OPTC: variants seen among roughly 807,000 people sequenced by gnomAD.
OPTC encodes the protein oculoglycan.
In OPTC, 22 loss-of-function variants were observed where a neutral mutation model predicts 25.4. That is an observed-to-expected ratio of 0.87 (90% CI 0.62 to 1.24). OPTC has a LOEUF of 1.24. OPTC is among the 50% of genes most tolerant of loss of function. The pLI is 0.00. For synonymous variants in OPTC, 169 were observed against 179.3 expected (o/e 0.94, Z 0.46); for missense variants, 417 against 425.2 (o/e 0.98, Z 0.17).
chr1:203,495,526 A>G (rs1231359113), intron 1 of OPTC, among the ~76,000 whole-genome samples: 2 of 152,188 alleles, frequency 1.3e-5, no homozygotes, highest in African/African-American at 4.8e-5. Flanking sequence ...CAAAAAAACA[A>G]ACAAACAAAA....
intron 7 of OPTC, among the ~76,000 whole-genome samples, chr1:203,507,617 GCCCTAA>G (rs1457606092): frequency 6.6e-6 from 1 of 152,204 alleles, no homozygotes; most frequent in Non-Finnish European, 1.5e-5. Context: ...GGAGGGTCTT[GCCCTAA>G]CCTGTCCTAT....
chr1:203,498,633 C>A, intron 3 of OPTC, 48 bp from the exon 4 acceptor site: 1 of 1,612,890 alleles, frequency 6.2e-7, no homozygotes, highest in Non-Finnish European at 8.5e-7. Context: ...GCCATTGGCC[C>A]CAGAGGCTAA....
At chr1:203,496,906 T>C (rs1366682791) in intron 2 of OPTC, 71 bp from the exon 3 acceptor site, 3 of 1,529,556 alleles carry the variant, frequency 2.0e-6, no homozygotes, top group Non-Finnish European at 2.7e-6. Context: ...TCACTGAGGT[T>C]CCCAGAGTCC....
Position 203,505,473 on chromosome 1 carries a change from G to A in OPTC, c.*25+1728G>A, listed in dbSNP as rs1661465547. 3.3e-5 allele frequency among the ~76,000 whole-genome samples: 5 copies of A among 152,338 alleles called. No individual in the cohort carries two copies. The South Asian group carries it at 1.0e-3, about 32-fold the overall frequency. On this transcript the variant is annotated intron_variant, in intron 7 of 7. Transcript: ENST00000367222. ...CCCTGGTGGTCCCCGAGTCTGGAGG[G>A]ACAGGTGTTTCTTGTGGGCCACGTG...
chr1:203,499,789 G>A lies in OPTC; in HGVS notation c.670G>A (p.Glu224Lys). ...EALPVLPSGI[E>K]FLDVRLNRLQ... ...TCTGCCCGTGCTGCCCAGTGGCATT[G>A]AGTTCCTGGATGTCCGCCTAAATCG... The change falls in exon 5 of 8, where the codon GAG (glutamate) becomes AAG (lysine). Residue 224 changes from glutamate (E) to lysine (K), a missense_variant. Transcript: ENST00000367222. The A allele has an allele frequency of 6.2e-7, 1 of 1,612,732 alleles. No homozygotes were observed. Among genetic ancestry groups the A allele is most frequent in the African/African-American group, 1.3e-5 (1 of 74,898 alleles).
rs2242198 is a variant in OPTC at position 203,496,442 on chromosome 1, C to G, written c.231+206C>G. ...ACCTGGGACTTCTCCTTCTTCAAAA[C>G]TCATACTTGCCTCCCCCTGCCAAAG... On this transcript the variant is annotated intron_variant, in intron 2 of 7. Transcript: ENST00000367222. 0.56 allele frequency among the ~76,000 whole-genome samples: 84,619 copies of G among 152,004 alleles called. 24,145 individuals are homozygous for G. Among genetic ancestry groups the G allele is most frequent in the East Asian group, 0.77 (3,955 of 5,152 alleles).
chr1:203,508,096 A>G lies in OPTC; in HGVS notation c.*26-550A>G, dbSNP rs190964041. The stretch of plus-strand genomic sequence containing the variant: ...AAGTACTTTGTCCCAGAGAAAGATG[A>G]CTTAACATAAACAATCTATAACAGA... On this transcript the variant is annotated intron_variant, in intron 7 of 7. Coordinates refer to ENST00000367222, the MANE Select transcript of OPTC (RefSeq NM_014359.4). 1.6e-4 allele frequency among the ~76,000 whole-genome samples: 25 copies of G among 152,362 alleles called. No homozygotes were observed. The East Asian group carries it at 3.7e-3, about 22-fold the overall frequency.
intron 1 of OPTC, 33 bp from the exon 2 acceptor site, chr1:203,495,931 CA>C: frequency 2.0e-6 from 2 of 976,904 alleles, no homozygotes; most frequent in Non-Finnish European, 3.2e-6. Context: ...GCCTGTCCCT[CA>C]GATCGCTGCC....
rs891422148 is a variant in OPTC, at chr1:203,507,051, A to G, written c.*26-1595A>G. 6.6e-5 allele frequency among the ~76,000 whole-genome samples: 10 copies of G among 152,358 alleles called. No individual in the cohort carries two copies. The South Asian group carries it at 2.1e-3, about 32-fold the overall frequency. On this transcript the variant is annotated intron_variant, in intron 7 of 7. Coordinates refer to ENST00000367222, the MANE Select transcript of OPTC (RefSeq NM_014359.4). Reference sequence around the variant, plus strand: ...CCTTGTTGTCTGTCTCCCTGAAGAAATTCTAAACAGAGCATCTGTCCCTCT... The same window carrying G: ...CCTTGTTGTCTGTCTCCCTGAAGAAGTTCTAAACAGAGCATCTGTCCCTCT...
chr1:203,508,441 C>T (rs1648428698), intron 7 of OPTC, among the ~76,000 whole-genome samples: 1 of 152,206 alleles, frequency 6.6e-6, no homozygotes, highest in Admixed American at 6.5e-5. Flanking sequence ...CCCCCCATCT[C>T]TGCCGCACCC....
In OPTC at chr1:203,503,594, C is replaced by G. The variant is rs372264023; in HGVS notation, c.873C>G (p.Pro291=). The part of the protein sequence containing the change: ...ETMQRDVFCD[P]EEHKHTRRQL... ...TGCAGAGAGACGTCTTCTGTGACCC[C>G]GAGGAGCACAAACACACCCGCAGGC... Residue 291 remains proline (P), a synonymous_variant, in exon 7 of 8, where the codon CCC becomes CCG. Transcript: ENST00000367222. The G allele has an allele frequency of 1.2e-6, 2 of 1,613,570 alleles. No individual in the cohort carries two copies. The highest frequency in any genetic ancestry group is 1.7e-6 in the Non-Finnish European group (2 of 1,180,028).
chr1:203,503,632 T>C lies in OPTC; in HGVS notation c.911T>C (p.Ile304Thr). The C allele has an allele frequency of 1.2e-6, 2 of 1,613,544 alleles. No individual in the cohort carries two copies. The highest frequency in any genetic ancestry group is 1.7e-6 in the Non-Finnish European group (2 of 1,179,998). The change falls in exon 7 of 8, where the codon ATC becomes ACC. Residue 304 changes from isoleucine (I) to threonine (T), a missense_variant. Physicochemically the swap from Ile to Thr is moderately conservative, Grantham distance 89 (BLOSUM62 -1). Transcript: ENST00000367222. ...HKHTRRQLED[I>T]RLDGNPINLS... ...CACACCCGCAGGCAGCTGGAAGACA[T>C]CCGCCTGGATGGCAACCCCATCAAC...
rs756105303 is a variant in OPTC, at chr1:203,499,657, A to T, written c.538A>T (p.Lys180Ter). ...AEDFKGLTKL[K>*]RIDLSNNLIS... ...CCCCTAACCTCTCTCAGCAAAGTTG[A>T]AGAGGATTGACCTCTCCAACAACCT... The change falls in exon 5 of 8, where the codon AAG becomes TAG. Residue 180 changes from lysine (K) to a stop codon, truncating the protein, a stop_gained. Coordinates refer to ENST00000367222, the MANE Select transcript of OPTC (RefSeq NM_014359.4). LOFTEE classifies it high-confidence loss of function. The T allele has an allele frequency of 6.2e-7, 1 of 1,612,930 alleles. No individual in the cohort carries two copies. Among genetic ancestry groups the T allele is most frequent in the Non-Finnish European group, 8.5e-7 (1 of 1,179,368 alleles).
chr1:203,498,013 A>G (rs1487124231), intron 3 of OPTC, among the ~76,000 whole-genome samples: 1 of 152,202 alleles, frequency 6.6e-6, no homozygotes, highest in East Asian at 1.9e-4. Context: ...GCCTTGTGAT[A>G]GCAAGTGACA....
At chr1:203,500,466 CACCACCCACCTGCACTACCCACCTGT>C (rs1406923582) in intron 5 of OPTC, among the ~76,000 whole-genome samples, 4 of 149,300 alleles carry the variant, frequency 2.7e-5, no homozygotes, top group Admixed American at 1.3e-4. Flanking sequence ...TATCCACCAC[CACCACCCACCTGCACTACCCACCTGT>C]ACCACCCACC....
intron 3 of OPTC, 89 bp from the exon 4 acceptor site, chr1:203,498,591 TG>T: frequency 2.0e-6 from 3 of 1,516,978 alleles, no homozygotes; most frequent in Non-Finnish European, 2.7e-6. Context: ...AAGGCACAGA[TG>T]GCCATGGTTC....
intron 1 of OPTC, among the ~76,000 whole-genome samples, chr1:203,494,790 T>G (rs6689054): frequency 6.6e-6 from 1 of 152,254 alleles, no homozygotes; most frequent in African/African-American, 2.4e-5. Context: ...TATACACTTA[T>G]GCCTGGATAC....
At chr1:203,505,488 T>G (rs1050815572) in intron 7 of OPTC, among the ~76,000 whole-genome samples, 9 of 152,210 alleles carry the variant, frequency 5.9e-5, no homozygotes, top group Non-Finnish European at 1.0e-4. Flanking sequence ...GTGTTTCTTG[T>G]GGGCCACGTG....
At chr1:203,500,897 C>T (rs1422511017) in intron 5 of OPTC, among the ~76,000 whole-genome samples, 2 of 152,222 alleles carry the variant, frequency 1.3e-5, no homozygotes, top group African/African-American at 2.4e-5. Context: ...TGACTTCTTT[C>T]TGTGCATCTG....
Sources: gnomAD v4.1 joint callset for allele counts (sites outside exome capture counted in the v4.1 genomes callset) on GRCh38, gnomAD v4.1.1 for gene constraint, MANE v1.5 for transcripts, NCBI Gene and HGNC (gene_info 2026-07-23, HGNC 2026-07-21) for gene names.